Variants in BFSP2 observed in about 807,000 individuals in gnomAD.
The protein encoded by BFSP2 is beaded filament structural protein 2, also known as phakinin.
A neutral mutation model predicts 44.9 loss-of-function variants in BFSP2; 38 were observed. That is an observed-to-expected ratio of 0.85 (90% CI 0.65 to 1.11). BFSP2 has a LOEUF of 1.11. BFSP2 is among the 50% of genes least tolerant of loss of function. The pLI is 0.00. For missense variants in BFSP2, 525 were observed against 533.0 expected (o/e 0.99, Z 0.15); for synonymous variants, 197 against 209.9 (o/e 0.94, Z 0.53).
At chr3:133,457,025 A>G (rs771733921) in intron 4 of BFSP2, among the ~76,000 whole-genome samples, 10 of 152,214 alleles carry the variant, frequency 6.6e-5, no homozygotes, top group Non-Finnish European at 1.3e-4. Flanking sequence ...ATTTTCTAAG[A>G]TATATGAAGC....
At chr3:133,410,314 G>A in intron 1 of BFSP2, 1 of 371,906 alleles carries the variant, frequency 2.7e-6, no homozygotes, top group South Asian at 2.1e-5. Flanking sequence ...GACCGGTGCA[G>A]GTGGCAGCAG....
At chr3:133,415,154 GTCCTCTCCCCA>G (rs2073506391) in intron 1 of BFSP2, among the ~76,000 whole-genome samples, 1 of 11,402 alleles carries the variant, frequency 8.8e-5, no homozygotes, top group Non-Finnish European at 1.7e-4. Context: ...CCTCTCCCCC[GTCCTCTCCCCA>G]TCCTCTCCCC....
rs780839349 is a variant in BFSP2 at position 133,400,094 on chromosome 3, G to A, written c.11G>A (p.Arg4Lys). ...GAGGCAGAAGGGGTGATGAGTGAGA[G>A]GCGAGTGGTAGTGGACTTGCCCACC... MSE[R>K]RVVVDLPTSA... The change falls in exon 1 of 7, where the codon AGG (arginine) becomes AAG (lysine). Residue 4 changes from arginine (R) to lysine (K), a missense_variant. Transcript: ENST00000302334. The surrounding 1 kb of genome is among the most constrained non-coding windows in gnomAD (Gnocchi z 4.0). 9.0e-5 allele frequency: 146 copies of A among 1,614,062 alleles called. No homozygotes were observed. Among genetic ancestry groups the A allele is most frequent in the African/African-American group, 1.3e-4 (10 of 74,936 alleles).
rs568040257 is a variant in BFSP2 at position 133,472,102 on chromosome 3, C to T, written c.1024-243C>T. On this transcript the variant is annotated intron_variant, in intron 5 of 6. Transcript: ENST00000302334. ...CTCTCTCCTTCTCTTTTTCGCCTCCCTCACCCTCTCTCCCATCAAAAAGAT... is the reference window on the plus strand; with the variant it reads ...CTCTCTCCTTCTCTTTTTCGCCTCCTTCACCCTCTCTCCCATCAAAAAGAT... Among the ~76,000 whole-genome samples the T allele has an allele frequency of 7.9e-5, 12 of 152,126 alleles. No individual in the cohort carries two copies. The South Asian group carries it at 2.1e-3, about 26-fold the overall frequency.
chr3:133,456,994 C>CT (rs56090939), intron 4 of BFSP2, among the ~76,000 whole-genome samples: 4,167 of 152,278 alleles, frequency 0.027, 114 homozygotes, highest in East Asian at 0.075. Flanking sequence ...TCTATTCTTG[C>CT]TTTTACCAAC....
chr3:133,444,592 G>A lies in BFSP2; in HGVS notation c.490-2725G>A, dbSNP rs549749973. 2.1e-4 allele frequency among the ~76,000 whole-genome samples: 32 copies of A among 152,236 alleles called. 1 individual carries two copies. Among genetic ancestry groups the A allele is most frequent in the Middle Eastern group, 3.4e-3 (1 of 294 alleles). The stretch of plus-strand genomic sequence containing the variant: ...CTCAGATGCAGGAACCAGCCAATGA[G>A]GGAGGAAGAGAATCAGCAAAGGCCC... On this transcript the variant is annotated intron_variant, in intron 1 of 6. Transcript: ENST00000302334.
chr3:133,466,699 A>AAAAAAAAAAAAAAAAAAAT, intron 4 of BFSP2, 129 bp from the exon 5 acceptor site: 1 of 674,344 alleles, frequency 1.5e-6, no homozygotes. Context: ...AAAAAAAAAG[A>AAAAAAAAAAAAAAAAAAAT]TGTTTCCACG....
chr3:133,435,524 C>T (rs1322668987), intron 1 of BFSP2, among the ~76,000 whole-genome samples: 1 of 152,208 alleles, frequency 6.6e-6, no homozygotes, highest in African/African-American at 2.4e-5. Context: ...ATCTTGGTCT[C>T]ACATGTTTAA....
In BFSP2 at chr3:133,407,229, A is replaced by G. The variant is rs145284479; in HGVS notation, c.489+6657A>G. On this transcript the variant is annotated intron_variant, in intron 1 of 6. Transcript: ENST00000302334. ...AGGGCCATCTCAAAACAAATAACAAACAATGCTATTTATATATAAACAAAA... is the reference window on the plus strand; with the variant it reads ...AGGGCCATCTCAAAACAAATAACAAGCAATGCTATTTATATATAAACAAAA... Among the ~76,000 whole-genome samples, 546 of 152,314 alleles carry G rather than the reference A, an allele frequency of 3.6e-3. 1 individual carries two copies. Among genetic ancestry groups the G allele is most frequent in the Non-Finnish European group, 6.3e-3 (427 of 68,034 alleles).
At chr3:133,436,496 C>T (rs968617327) in intron 1 of BFSP2, among the ~76,000 whole-genome samples, 4 of 152,068 alleles carry the variant, frequency 2.6e-5, no homozygotes, top group Non-Finnish European at 5.9e-5. Context: ...TAAGCTCTCT[C>T]TAGTGAGGAA....
intron 1 of BFSP2, among the ~76,000 whole-genome samples, chr3:133,401,135 A>G (rs1343271710): frequency 6.6e-6 from 1 of 152,230 alleles, no homozygotes; most frequent in African/African-American, 2.4e-5. Context: ...ACAAGTTTCT[A>G]TTACCCACAG....
chr3:133,411,450 G>T (rs939735047), intron 1 of BFSP2, among the ~76,000 whole-genome samples: 11 of 151,924 alleles, frequency 7.2e-5, no homozygotes, highest in African/African-American at 2.2e-4. Context: ...TAATCAAATG[G>T]CTATGACCTT....
chr3:133,411,732 T>C (rs1226517433), intron 1 of BFSP2, among the ~76,000 whole-genome samples: 2 of 151,852 alleles, frequency 1.3e-5, no homozygotes, highest in African/African-American at 4.8e-5. Context: ...AACTAGACAG[T>C]CATAAGGAAA....
At chr3:133,406,116 A>AT (rs11398329) in intron 1 of BFSP2, among the ~76,000 whole-genome samples, 65,288 of 144,128 alleles carry the variant, frequency 0.45, 15,234 homozygotes, top group Middle Eastern at 0.53. Flanking sequence ...ATATCCAGCT[A>AT]TTTTTTTTTT....
intron 1 of BFSP2, among the ~76,000 whole-genome samples, chr3:133,407,226 CA>C (rs1441004440): frequency 6.6e-6 from 1 of 152,096 alleles, no homozygotes; most frequent in Non-Finnish European, 1.5e-5. Context: ...AAACAAATAA[CA>C]AACAATGCTA....
chr3:133,443,146 C>T (rs1421804453), intron 1 of BFSP2, among the ~76,000 whole-genome samples: 1 of 152,090 alleles, frequency 6.6e-6, no homozygotes, highest in Non-Finnish European at 1.5e-5. Context: ...AGGCGTGAGC[C>T]ACCGCACCCG....
intron 1 of BFSP2, among the ~76,000 whole-genome samples, chr3:133,418,324 G>C (rs1353768764): frequency 6.6e-6 from 1 of 152,152 alleles, no homozygotes; most frequent in Non-Finnish European, 1.5e-5. Context: ...GTGATGGAGA[G>C]ATTTATTATC....
intron 4 of BFSP2, among the ~76,000 whole-genome samples, chr3:133,460,977 T>C (rs576947717): frequency 2.0e-5 from 3 of 152,350 alleles, no homozygotes; most frequent in Non-Finnish European, 4.4e-5. Flanking sequence ...TCTGGATACA[T>C]GATCTGCTGA....
At chr3:133,449,688 G>C (rs1266693163) in intron 3 of BFSP2, among the ~76,000 whole-genome samples, 1 of 151,910 alleles carries the variant, frequency 6.6e-6, no homozygotes, top group Non-Finnish European at 1.5e-5. Flanking sequence ...GACCAGCCTG[G>C]GCAACATGGT....
Sources: gnomAD v4.1 joint callset for allele counts (sites outside exome capture counted in the v4.1 genomes callset) on GRCh38, gnomAD v4.1.1 for gene constraint, Gnocchi (gnomAD v3.1) non-coding constraint, MANE v1.5 for transcripts, NCBI Gene and HGNC (gene_info 2026-07-23, HGNC 2026-07-21) for gene names.